The following GOLGA7 variants were observed in gnomAD, a reference collection of about 807,000 sequenced individuals.
The protein encoded by GOLGA7 is golgin A7.
GOLGA7 carries 10 observed loss-of-function variants against 21.1 expected under a neutral mutation model. That is an observed-to-expected ratio of 0.47 (90% CI 0.29 to 0.80). GOLGA7 has a LOEUF of 0.80. Ranked by LOEUF, GOLGA7 falls within the 30% of genes least tolerant of loss-of-function variation. The pLI is 0.08. For synonymous variants in GOLGA7, 64 were observed against 62.6 expected (o/e 1.02, Z -0.10); for missense variants, 114 against 166.8 (o/e 0.68, Z 1.74).
At chr8:41,508,783 A>G (rs1325718686) in intron 4 of GOLGA7, among the ~76,000 whole-genome samples, 1 of 152,186 alleles carries the variant, frequency 6.6e-6, no homozygotes, top group African/African-American at 2.4e-5. Flanking sequence ...GTTCAACACA[A>G]TTTCGTTTTG....
intron 4 of GOLGA7, among the ~76,000 whole-genome samples, chr8:41,508,948 C>CAA (rs1806355140): frequency 6.6e-6 from 1 of 152,192 alleles, no homozygotes; most frequent in African/African-American, 2.4e-5. Flanking sequence ...AGTGACTTAA[C>CAA]AAAAGACTAC....
At chr8:41,505,241 A>G (rs890248536) in intron 2 of GOLGA7, among the ~76,000 whole-genome samples, 16 of 152,208 alleles carry the variant, frequency 1.1e-4, no homozygotes, top group African/African-American at 3.6e-4. Context: ...TACTAAACTT[A>G]TAAATTGAGG....
chr8:41,504,367 G>C (rs1192979072), intron 2 of GOLGA7, among the ~76,000 whole-genome samples: 9 of 152,118 alleles, frequency 5.9e-5, no homozygotes. Context: ...CAATTCTGCA[G>C]GTGAACTGAG....
chr8:41,496,804 C>CTTTTTTTTTTT (rs34657481), intron 1 of GOLGA7, among the ~76,000 whole-genome samples: 9 of 91,652 alleles, frequency 9.8e-5, no homozygotes, highest in Non-Finnish European at 1.2e-4. Context: ...CAGTTTATTG[C>CTTTTTTTTTTT]TTTTTTTTTT....
chr8:41,502,220 A>G lies in GOLGA7; in HGVS notation c.265-3691A>G, dbSNP rs779171174. ...TTGATAAAATGATTAAAATGTAAGC[A>G]CAGCTGCCCTCTCCCTTTCCCAGTT... On this transcript the variant is annotated intron_variant, in intron 2 of 4. Coordinates refer to ENST00000357743, the MANE Select transcript of GOLGA7 (RefSeq NM_001002296.2). Among the ~76,000 whole-genome samples, 3 of 152,246 alleles carry G rather than the reference A, an allele frequency of 2.0e-5. No individual in the cohort carries two copies. In the East Asian group the frequency reaches 5.8e-4, roughly 29 times the overall value.
intron 2 of GOLGA7, among the ~76,000 whole-genome samples, chr8:41,501,295 T>C (rs1426567795): frequency 6.6e-6 from 1 of 150,412 alleles, no homozygotes; most frequent in Non-Finnish European, 1.5e-5. Flanking sequence ...TAAACAGTGT[T>C]TTCTTGAGGT....
chr8:41,498,454 C>T (rs181674934), intron 2 of GOLGA7, among the ~76,000 whole-genome samples: 115 of 152,300 alleles, frequency 7.6e-4, no homozygotes, highest in African/African-American at 2.6e-3. Flanking sequence ...ACCTTTCCAG[C>T]GCTACCTCCC....
At chr8:41,508,003 C>T (rs183255631) in intron 4 of GOLGA7, among the ~76,000 whole-genome samples, 8 of 152,334 alleles carry the variant, frequency 5.3e-5, no homozygotes, top group African/African-American at 1.9e-4. Context: ...ACAAATGGTA[C>T]TTCTGAATCT....
At position 41,497,640 on chromosome 8, in the gene GOLGA7, C is replaced by T. The variant is rs769658033; in HGVS notation, c.243C>T (p.Cys81=). The T allele has an allele frequency of 2.6e-6, 4 of 1,550,410 alleles. No individual in the cohort carries two copies. The highest frequency in any genetic ancestry group is 1.2e-5 in the South Asian group (1 of 86,014). ...ACLTAYTIFL[C]METHYEKVLK... is the part of the protein sequence containing the mutation. ...TAACAGCATATACCATCTTCCTATG[C>T]ATGGAAACTCATTATGAGAAGGTAA... is the stretch of plus-strand genomic sequence containing the variant. The change falls in exon 2 of 5, where the codon TGC becomes TGT. Residue 81 remains cysteine (C), a synonymous_variant. Coordinates refer to ENST00000357743, the MANE Select transcript of GOLGA7 (RefSeq NM_001002296.2).
chr8:41,506,198 C>T (rs1359974136), intron 3 of GOLGA7, among the ~76,000 whole-genome samples, 186 bp downstream of exon 3: 1 of 151,898 alleles, frequency 6.6e-6, no homozygotes, highest in Admixed American at 6.6e-5. Context: ...GTCCCTCCTT[C>T]CATTGCATGG....
intron 2 of GOLGA7, among the ~76,000 whole-genome samples, chr8:41,502,269 A>G (rs1212255152): frequency 6.6e-6 from 1 of 152,166 alleles, no homozygotes; most frequent in Non-Finnish European, 1.5e-5. Context: ...TTTTTGTGCT[A>G]TTATTTTCTA....
At chr8:41,505,869 C>T (rs79843282) in intron 2 of GOLGA7, 42 bp from the exon 3 acceptor site, 19,328 of 1,041,006 alleles carry the variant, frequency 0.019, 230 homozygotes, top group Non-Finnish European at 0.022. Context: ...AAAGGGAAAT[C>T]TGATGAAGTT....
chr8:41,497,185 T>C (rs1338106505), intron 1 of GOLGA7, among the ~76,000 whole-genome samples: 3 of 151,714 alleles, frequency 2.0e-5, no homozygotes, highest in African/African-American at 7.3e-5. Context: ...GACAGTGCTT[T>C]ATCTTGAGAT....
In GOLGA7 at chr8:41,490,792, C is replaced by A; in HGVS notation, c.-63C>A. 2.2e-6 allele frequency: 2 copies of A among 910,790 alleles called. No homozygotes were observed. Among genetic ancestry groups the A allele is most frequent in the South Asian group, 1.5e-5 (1 of 65,648 alleles). 56.4% of individuals were successfully genotyped at this position (910,790 alleles called of 1,614,324 possible). ...GCGGGTCAGAGTCCCGGGTCCAGGC[C>A]GGGGCTCTGACTCGCGGTTGGTGTT... On this transcript the variant is annotated 5_prime_UTR_variant, in exon 1 of 5. Transcript: ENST00000357743.
At chr8:41,504,931 A>G (rs28577156) in intron 2 of GOLGA7, among the ~76,000 whole-genome samples, 27,415 of 152,156 alleles carry the variant, frequency 0.18, 2,991 homozygotes, top group Middle Eastern at 0.31. Flanking sequence ...TTAAGTTGTG[A>G]TCACATTTGT....
intron 1 of GOLGA7, among the ~76,000 whole-genome samples, chr8:41,495,645 A>G (rs1182149533): frequency 6.6e-6 from 1 of 151,192 alleles, no homozygotes; most frequent in Admixed American, 6.6e-5. Context: ...TCACAGAGAC[A>G]GGAAAGGAGA....
At position 41,490,928 on chromosome 8, in the gene GOLGA7, A is replaced by G; in HGVS notation, c.74A>G (p.Gln25Arg). Residue 25 changes from glutamine (Q) to arginine (R), a missense_variant, in exon 1 of 5, where the codon CAG (glutamine) becomes CGG (arginine). By Grantham distance (43) the Gln-to-Arg change is conservative. Coordinates refer to ENST00000357743, the MANE Select transcript of GOLGA7 (RefSeq NM_001002296.2). ...GACTACAGCAGTGGCACACGCTGCC[A>G]GTTCCAGACCAAGTTCCCTGCGGAG... ...QRDYSSGTRC[Q>R]FQTKFPAELE... 6.3e-7 allele frequency: 1 copy of G among 1,596,870 alleles called. No individual in the cohort carries two copies.
At chr8:41,498,775 C>T (rs1806080302) in intron 2 of GOLGA7, among the ~76,000 whole-genome samples, 2 of 152,126 alleles carry the variant, frequency 1.3e-5, no homozygotes, top group African/African-American at 4.8e-5. Context: ...ATGCCTTAAC[C>T]ATTTTGTATC....
chr8:41,507,810 C>T (rs935902723), intron 4 of GOLGA7, among the ~76,000 whole-genome samples: 7 of 152,170 alleles, frequency 4.6e-5, no homozygotes, highest in African/African-American at 1.4e-4. Flanking sequence ...ATTTTAGTTA[C>T]GTGGTCTTCC....
Sources: allele counts gnomAD v4.1 joint callset (sites outside exome capture counted in the v4.1 genomes callset), GRCh38; gene constraint gnomAD v4.1.1; transcripts MANE v1.5; gene names NCBI Gene and HGNC (gene_info 2026-07-23, HGNC 2026-07-21).